FIRRM: variants seen among roughly 807,000 people sequenced by gnomAD.
FIRRM encodes the protein FIGNL1 interacting regulator of recombination and mitosis.
At chr1:169,840,507 T>C in the FIRRM span, among the ~76,000 whole-genome samples, 1 of 148,968 alleles carries the variant, frequency 6.7e-6, no homozygotes, top group Non-Finnish European at 1.5e-5. Flanking sequence ...TTCTTTTCTT[T>C]TTTCTTTTTT....
the FIRRM span, among the ~76,000 whole-genome samples, chr1:169,822,038 C>G: frequency 1.3e-5 from 2 of 152,094 alleles, no homozygotes; most frequent in Non-Finnish European, 2.9e-5. Flanking sequence ...AAAGATTCCC[C>G]TGATAGAATT....
At chr1:169,848,249 T>C in the FIRRM span, among the ~76,000 whole-genome samples, 1 of 152,178 alleles carries the variant, frequency 6.6e-6, no homozygotes, top group East Asian at 1.9e-4. Context: ...ATTTATAAAA[T>C]TATACTGCAC....
the FIRRM span, among the ~76,000 whole-genome samples, chr1:169,844,915 C>T: frequency 2.0e-5 from 3 of 151,724 alleles, no homozygotes; most frequent in Non-Finnish European, 2.9e-5. Context: ...TAAATTTTGC[C>T]CTCCTGTTTT....
chr1:169,785,437 G>C, the FIRRM span, among the ~76,000 whole-genome samples: 1 of 152,228 alleles, frequency 6.6e-6, no homozygotes, highest in African/African-American at 2.4e-5. Flanking sequence ...TGGACTTGAA[G>C]GATGAATGTG....
At chr1:169,790,975 G>A in the FIRRM span, among the ~76,000 whole-genome samples, 4 of 152,172 alleles carry the variant, frequency 2.6e-5, no homozygotes, top group Non-Finnish European at 5.9e-5. Context: ...AGATCATCAG[G>A]CATTAGATTC....
the FIRRM span, among the ~76,000 whole-genome samples, chr1:169,791,705 T>C: frequency 1.3e-5 from 2 of 152,242 alleles, no homozygotes; most frequent in Non-Finnish European, 2.9e-5. Context: ...TTATGCAAGA[T>C]ACTATACAAA....
chr1:169,839,816 TG>T, the FIRRM span, among the ~76,000 whole-genome samples: 1 of 152,164 alleles, frequency 6.6e-6, no homozygotes, highest in Admixed American at 6.5e-5. Flanking sequence ...ATGTCTAGAA[TG>T]GTGTTTCCTA....
chr1:169,833,946 G>A, the FIRRM span, among the ~76,000 whole-genome samples: 3 of 148,174 alleles, frequency 2.0e-5, no homozygotes, highest in East Asian at 4.0e-4. Context: ...CTGCCTCGGC[G>A]TCCCAAAGTG....
chr1:169,853,916 C>A, the FIRRM span: 2 of 882,888 alleles, frequency 2.3e-6, no homozygotes, highest in South Asian at 1.7e-5. Context: ...ACTTAGAGCT[C>A]TAACAGAAAG....
the FIRRM span, among the ~76,000 whole-genome samples, chr1:169,817,528 C>A: frequency 2.0e-5 from 3 of 152,150 alleles, no homozygotes; most frequent in African/African-American, 7.2e-5. Flanking sequence ...CATATTTATA[C>A]AAATATAGCC....
At chr1:169,824,965 A>G in the FIRRM span, among the ~76,000 whole-genome samples, 43 of 152,308 alleles carry the variant, frequency 2.8e-4, 1 homozygote, top group South Asian at 8.7e-3. Flanking sequence ...TATCATCCTC[A>G]TACCCAACAA....
chr1:169,788,453 A>T, the FIRRM span, among the ~76,000 whole-genome samples: 1 of 152,224 alleles, frequency 6.6e-6, no homozygotes, highest in Non-Finnish European at 1.5e-5. Flanking sequence ...TTAAGAATAC[A>T]ATCTATAATA....
At chr1:169,819,525 C>G in the FIRRM span, among the ~76,000 whole-genome samples, 2 of 152,200 alleles carry the variant, frequency 1.3e-5, no homozygotes, top group Non-Finnish European at 2.9e-5. Flanking sequence ...AGGGATCTAT[C>G]CACTTTTAAT....
At chr1:169,828,781 A>G in the FIRRM span, among the ~76,000 whole-genome samples, 30 of 152,298 alleles carry the variant, frequency 2.0e-4, no homozygotes, top group African/African-American at 7.0e-4. Context: ...CCTGGGCTCA[A>G]GTGATCTTCC....
At chr1:169,793,038 T>G in the FIRRM span, 8 of 1,614,076 alleles carry the variant, frequency 5.0e-6, no homozygotes, top group Non-Finnish European at 6.8e-6. Context: ...ATCACCATAC[T>G]GTTATAATCT....
the FIRRM span, among the ~76,000 whole-genome samples, chr1:169,801,994 T>G: frequency 2.7e-4 from 41 of 152,212 alleles, no homozygotes; most frequent in African/African-American, 9.4e-4. Context: ...GAAACAGTAT[T>G]TTCTTTAGCT....
the FIRRM span, among the ~76,000 whole-genome samples, chr1:169,832,744 C>T: frequency 1.3e-5 from 2 of 152,004 alleles, no homozygotes; most frequent in African/African-American, 2.4e-5. Flanking sequence ...GCTGGGACTA[C>T]AGGCACACAC....
chr1:169,808,837 G>A, the FIRRM span, among the ~76,000 whole-genome samples: 2 of 152,098 alleles, frequency 1.3e-5, no homozygotes, highest in African/African-American at 4.8e-5. Flanking sequence ...GACCTCAGGT[G>A]GTCCACCCGC....
At chr1:169,853,295 T>C in the FIRRM span, 1 of 350,618 alleles carries the variant, frequency 2.9e-6, no homozygotes, top group Admixed American at 4.3e-5. Flanking sequence ...TTATATAATT[T>C]ATAGCTAAAA....
Sources: gnomAD v4.1 joint callset for allele counts (sites outside exome capture counted in the v4.1 genomes callset) on GRCh38, gnomAD v4.1.1 for gene constraint, MANE v1.5 for transcripts, NCBI Gene and HGNC (gene_info 2026-07-23, HGNC 2026-07-21) for gene names.